Variants in LRGUK observed in about 807,000 individuals in gnomAD.
LRGUK encodes the protein leucine-rich repeat and guanylate kinase domain-containing protein.
In LRGUK, 65 loss-of-function variants were observed where a neutral mutation model predicts 76.0. The observed-to-expected ratio is 0.85, with a 90% CI of 0.70 to 1.05. The LOEUF is 1.05. Ranked by LOEUF, LRGUK falls within the 50% of genes least tolerant of loss-of-function variation. The pLI is 0.00. For synonymous variants in LRGUK, 268 were observed against 265.6 expected (o/e 1.01, Z -0.09); for missense variants, 758 against 732.8 (o/e 1.03, Z -0.40).
chr7:134,214,905 AG>A (rs573499178), downstream of LRGUK, among the ~76,000 whole-genome samples: 3 of 152,132 alleles, frequency 2.0e-5, no homozygotes, highest in Non-Finnish European at 4.4e-5. Context: ...TGATTTGCAG[AG>A]GAACAGACTG....
At chr7:134,140,701 GGACC>G (rs1361642712) in intron 3 of LRGUK, among the ~76,000 whole-genome samples, 1 of 151,752 alleles carries the variant, frequency 6.6e-6, no homozygotes, top group African/African-American at 2.4e-5. Context: ...TCCCCTTCTA[GGACC>G]CTAATAAAGT....
At chr7:134,129,166 C>CT (rs1208148912) in intron 1 of LRGUK, among the ~76,000 whole-genome samples, 1 of 110,996 alleles carries the variant, frequency 9.0e-6, no homozygotes, top group Non-Finnish European at 1.8e-5. Flanking sequence ...TTCTTTCTTT[C>CT]TTTCGTTTTT....
chr7:134,186,242 C>T (rs1362572936), intron 11 of LRGUK, among the ~76,000 whole-genome samples: 2 of 152,186 alleles, frequency 1.3e-5, no homozygotes, highest in Non-Finnish European at 2.9e-5. Context: ...ATTGACTCAT[C>T]GTCAAGATTT....
chr7:134,132,288 A>C (rs1322071207), intron 1 of LRGUK, among the ~76,000 whole-genome samples: 2 of 152,156 alleles, frequency 1.3e-5, no homozygotes, highest in African/African-American at 2.4e-5. Context: ...CCAGGAGTTC[A>C]AGGCTGCAGT....
chr7:134,216,438 A>C (rs1801437768), intron 15 of LRGUK, among the ~76,000 whole-genome samples: 1 of 152,182 alleles, frequency 6.6e-6, no homozygotes, highest in African/African-American at 2.4e-5. Flanking sequence ...AAAAATCAAG[A>C]GGTTCTTCTA....
At chr7:134,176,238 G>A (rs1323195573) in intron 8 of LRGUK, among the ~76,000 whole-genome samples, 2 of 152,126 alleles carry the variant, frequency 1.3e-5, no homozygotes, top group Non-Finnish European at 2.9e-5. Flanking sequence ...GGCGGGAGGA[G>A]GGAGAGTATC....
At chr7:134,263,623 C>CTTTTTTTTTTTT (rs59840547) in intron 19 of LRGUK, among the ~76,000 whole-genome samples, 1 of 114,006 alleles carries the variant, frequency 8.8e-6, no homozygotes. Flanking sequence ...TCATTTCTTT[C>CTTTTTTTTTTTT]TTTTTTTTTT....
At chr7:134,257,023 G>A (rs986899382) in intron 18 of LRGUK, among the ~76,000 whole-genome samples, 4 of 152,118 alleles carry the variant, frequency 2.6e-5, no homozygotes, top group African/African-American at 9.7e-5. Context: ...CAGGGAGAGG[G>A]GAGAGGATCG....
intron 16 of LRGUK, among the ~76,000 whole-genome samples, chr7:134,227,366 G>T (rs1426722108): frequency 6.6e-6 from 1 of 152,164 alleles, no homozygotes; most frequent in African/African-American, 2.4e-5. Flanking sequence ...CTTCATAGGA[G>T]CCACAGTTAA....
In LRGUK at chr7:134,209,012, A is replaced by T. The variant is rs184172356; in HGVS notation, c.2149A>T (p.Thr717Ser). ...GGCCCAGGACCTATCCCTAAACCCA[A>T]CGGAAGAGGATGTCCAACAATCAGA... The change falls in exon 16 of 16, where the codon ACG becomes TCG. Residue 717 changes from threonine to serine, a missense_variant. By Grantham distance (58) the Thr-to-Ser change is moderately conservative (BLOSUM62 1). Coordinates refer to ENST00000645682, the Ensembl canonical transcript of LRGUK. 3.0e-4 allele frequency: 118 copies of T among 399,050 alleles called. No individual in the cohort carries two copies. In the East Asian group the frequency reaches 3.7e-3, roughly 12 times the overall value. 24.7% of individuals were successfully genotyped at this position (399,050 alleles called of 1,614,324 possible).
intron 18 of LRGUK, among the ~76,000 whole-genome samples, chr7:134,254,521 C>T (rs1344248950): frequency 6.6e-6 from 1 of 151,566 alleles, no homozygotes; most frequent in Non-Finnish European, 1.5e-5. Flanking sequence ...GATGTGTCCT[C>T]TACACAATGG....
At chr7:134,208,178 C>G (rs186600781) in intron 15 of LRGUK, among the ~76,000 whole-genome samples, 15 of 152,310 alleles carry the variant, frequency 9.8e-5, no homozygotes, top group South Asian at 2.1e-4. Flanking sequence ...TTCTTACATT[C>G]ATCACCCATT....
intron 7 of LRGUK, among the ~76,000 whole-genome samples, chr7:134,164,775 T>G (rs1798899632): frequency 6.6e-6 from 1 of 152,166 alleles, no homozygotes; most frequent in African/African-American, 2.4e-5. Flanking sequence ...ACTTCCCTCA[T>G]CTGTTAGGTT....
intron 3 of LRGUK, among the ~76,000 whole-genome samples, chr7:134,142,834 G>C (rs1446281538): frequency 6.6e-6 from 1 of 152,170 alleles, no homozygotes; most frequent in Admixed American, 6.5e-5. Context: ...ACAAGGATTG[G>C]CCACCCCTGG....
intron 14 of LRGUK, among the ~76,000 whole-genome samples, chr7:134,200,278 C>A (rs1485387304): frequency 6.6e-6 from 1 of 151,642 alleles, no homozygotes; most frequent in Non-Finnish European, 1.5e-5. Flanking sequence ...CTCAAGCAAT[C>A]CACCCTCCTC....
At chr7:134,207,002 G>C (rs1002704590) in intron 15 of LRGUK, among the ~76,000 whole-genome samples, 1 of 152,166 alleles carries the variant, frequency 6.6e-6, no homozygotes, top group African/African-American at 2.4e-5. Context: ...GATTTGCCAA[G>C]TTATGTCAAT....
Position 134,205,339 on chromosome 7 carries a change from C to T in LRGUK, c.1844-3368C>T, listed in dbSNP as rs754851008. Among the ~76,000 whole-genome samples the T allele has an allele frequency of 2.6e-5, 4 of 152,138 alleles. No individual in the cohort carries two copies. In the South Asian group the frequency reaches 8.3e-4, roughly 32 times the overall value. ...CAGGAAAGTTCCCCAAGTCCCCACT[C>T]GACCCAGGAAGTCCAGCTGGCCTCA... On this transcript the variant is annotated intron_variant, in intron 15 of 15. Transcript: ENST00000645682.
chr7:134,195,449 T>C (rs1330846089), intron 12 of LRGUK, among the ~76,000 whole-genome samples: 1 of 152,212 alleles, frequency 6.6e-6, no homozygotes, highest in East Asian at 1.9e-4. Flanking sequence ...AGAAGCAAGA[T>C]GGAGTCAGTT....
intron 12 of LRGUK, among the ~76,000 whole-genome samples, chr7:134,195,275 T>A (rs1279872130): frequency 6.6e-6 from 1 of 152,188 alleles, no homozygotes; most frequent in African/African-American, 2.4e-5. Context: ...TTTCTAATCT[T>A]GTGGCTAATT....
Sources: gnomAD v4.1 joint callset for allele counts (sites outside exome capture counted in the v4.1 genomes callset) on GRCh38, gnomAD v4.1.1 for gene constraint, MANE v1.5 for transcripts, NCBI Gene and HGNC (gene_info 2026-07-23, HGNC 2026-07-21) for gene names.